Variants in RABGAP1L observed in about 807,000 individuals in gnomAD.
RABGAP1L encodes RAB GTPase activating protein 1 like.
In RABGAP1L, 63 loss-of-function variants were observed where a neutral mutation model predicts 137.7. The ratio of observed to expected loss-of-function variants is 0.46; its 90% CI spans 0.37 to 0.56. The LOEUF is 0.56. RABGAP1L is among the 20% of genes least tolerant of loss of function. RABGAP1L has a pLI of 0.00. For missense variants in RABGAP1L, 1,095 were observed against 1,244.0 expected (o/e 0.88, Z 1.80); for synonymous variants, 431 against 433.7 (o/e 0.99, Z 0.08).
At chr1:174,300,727 C>T (rs1010592367) in intron 10 of RABGAP1L, among the ~76,000 whole-genome samples, 12 of 151,394 alleles carry the variant, frequency 7.9e-5, no homozygotes, top group Non-Finnish European at 1.6e-4. Flanking sequence ...ATTAGCTAGG[C>T]ATGGTGGTGG....
Position 174,645,535 on chromosome 1 carries a change from C to CA in RABGAP1L, c.1824+8050dup, listed in dbSNP as rs536465942. On this transcript the variant is annotated intron_variant, in intron 14 of 25. Coordinates refer to ENST00000681986, the MANE Select transcript of RABGAP1L (RefSeq NM_001366446.1). ...GTTTCCAGCTTCATCCATGTCCCTG[C>CA]AAAGGACATGAACTCATTCTTTTTT... is the stretch of plus-strand genomic sequence containing the variant. Among the ~76,000 whole-genome samples the CA allele has an allele frequency of 9.4e-4, 143 of 152,144 alleles. 2 individuals carry two copies. Among genetic ancestry groups the CA allele is most frequent in the African/African-American group, 3.1e-3 (130 of 41,474 alleles).
intron 13 of RABGAP1L, among the ~76,000 whole-genome samples, chr1:174,519,793 A>G (rs1044731624): frequency 1.3e-5 from 2 of 152,214 alleles, no homozygotes; most frequent in African/African-American, 4.8e-5. Context: ...TTAATTAATT[A>G]TCAGTGATGT....
intron 10 of RABGAP1L, among the ~76,000 whole-genome samples, chr1:174,297,055 G>A (rs969584550): frequency 2.0e-5 from 3 of 152,144 alleles, no homozygotes; most frequent in Non-Finnish European, 4.4e-5. Context: ...AAGACACCAG[G>A]CACATTTAGG....
At chr1:174,756,814 G>A in intron 18 of RABGAP1L, 1 of 554,076 alleles carries the variant, frequency 1.8e-6, no homozygotes, top group South Asian at 1.5e-5. Context: ...GCAAACTCCG[G>A]ATGAGGGCTG....
intron 1 of RABGAP1L, among the ~76,000 whole-genome samples, chr1:174,211,183 AAGAC>A (rs1668859387): frequency 6.6e-6 from 1 of 152,190 alleles, no homozygotes; most frequent in Non-Finnish European, 1.5e-5. Flanking sequence ...TTCACAGAAA[AAGAC>A]AGAGTATGGT....
chr1:174,196,602 G>T, intron 1 of RABGAP1L, among the ~76,000 whole-genome samples: 1 of 144,110 alleles, frequency 6.9e-6, no homozygotes, highest in African/African-American at 2.6e-5. Context: ...CTTTACTGAA[G>T]TTCTAATCTG....
intron 13 of RABGAP1L, among the ~76,000 whole-genome samples, chr1:174,478,807 A>G (rs942714837): frequency 2.6e-5 from 4 of 152,152 alleles, no homozygotes; most frequent in Admixed American, 6.6e-5. Flanking sequence ...TGTCTTCTCA[A>G]TTGTATTCTG....
intron 13 of RABGAP1L, among the ~76,000 whole-genome samples, chr1:174,588,369 T>C (rs1379856116): frequency 6.6e-6 from 1 of 152,072 alleles, no homozygotes; most frequent in Non-Finnish European, 1.5e-5. Context: ...TTCATCATGT[T>C]GGCCAGGCTA....
At chr1:174,550,343 T>C (rs1666330080) in intron 13 of RABGAP1L, among the ~76,000 whole-genome samples, 1 of 152,218 alleles carries the variant, frequency 6.6e-6, no homozygotes, top group Non-Finnish European at 1.5e-5. Context: ...AAATCACTTT[T>C]GATCAGTACA....
intron 11 of RABGAP1L, among the ~76,000 whole-genome samples, chr1:174,369,196 AT>A (rs1050657400): frequency 1.3e-4 from 19 of 148,382 alleles, no homozygotes; most frequent in Non-Finnish European, 1.6e-4. Flanking sequence ...TTCCAGAATA[AT>A]TTTTTTTTTT....
At chr1:174,468,083 T>A (rs1021419674) in intron 13 of RABGAP1L, among the ~76,000 whole-genome samples, 3 of 152,150 alleles carry the variant, frequency 2.0e-5, no homozygotes, top group Non-Finnish European at 4.4e-5. Flanking sequence ...AAAGAATTAA[T>A]TTTATTATTG....
intron 11 of RABGAP1L, among the ~76,000 whole-genome samples, chr1:174,366,799 A>C (rs1684665909): frequency 8.7e-6 from 1 of 114,616 alleles, no homozygotes; most frequent in African/African-American, 3.9e-5. Context: ...AAAAAAAAAA[A>C]AAAAAAAAGA....
chr1:174,668,677 G>T (rs894409209), intron 14 of RABGAP1L, among the ~76,000 whole-genome samples: 10 of 152,068 alleles, frequency 6.6e-5, no homozygotes, highest in African/African-American at 2.4e-4. Context: ...ATTTTTTGAG[G>T]AACATTCATA....
At chr1:174,487,932 C>T (rs1659826833) in intron 13 of RABGAP1L, among the ~76,000 whole-genome samples, 1 of 152,112 alleles carries the variant, frequency 6.6e-6, no homozygotes, top group Non-Finnish European at 1.5e-5. Flanking sequence ...ACTTCATCCC[C>T]CAGATAGTTA....
intron 11 of RABGAP1L, among the ~76,000 whole-genome samples, chr1:174,333,376 G>T (rs187910853): frequency 6.6e-6 from 1 of 152,086 alleles, no homozygotes; most frequent in East Asian, 1.9e-4. Context: ...GCTAATTACC[G>T]TAATATGATC....
chr1:174,779,382 A>G (rs953788259), intron 18 of RABGAP1L, among the ~76,000 whole-genome samples: 2 of 152,090 alleles, frequency 1.3e-5, no homozygotes, highest in African/African-American at 4.8e-5. Flanking sequence ...TGTTATTTAG[A>G]TGTTTTGTAT....
chr1:174,907,760 G>C (rs1301228258), intron 19 of RABGAP1L, among the ~76,000 whole-genome samples: 1 of 152,092 alleles, frequency 6.6e-6, no homozygotes, highest in Non-Finnish European at 1.5e-5. Context: ...AAGAAAGAAA[G>C]GAGTCTCAAA....
chr1:174,321,968 T>C (rs1680034716), intron 11 of RABGAP1L, among the ~76,000 whole-genome samples: 1 of 148,532 alleles, frequency 6.7e-6, no homozygotes, highest in Non-Finnish European at 1.5e-5. Context: ...TTTATTAGAG[T>C]TCTTTATATA....
chr1:174,263,327 A>G (rs372760221), intron 7 of RABGAP1L, among the ~76,000 whole-genome samples: 19 of 152,318 alleles, frequency 1.2e-4, no homozygotes, highest in African/African-American at 4.3e-4. Context: ...AAAGGACCCA[A>G]CTTCCACGTT....
Sources: allele counts gnomAD v4.1 joint callset (sites outside exome capture counted in the v4.1 genomes callset), GRCh38; gene constraint gnomAD v4.1.1; transcripts MANE v1.5; gene names NCBI Gene and HGNC (gene_info 2026-07-23, HGNC 2026-07-21).